BCAT1: variants seen among roughly 807,000 people sequenced by gnomAD.
BCAT1 encodes the protein branched chain amino acid transaminase 1.
Under a neutral mutation model 52.4 loss-of-function variants are expected in BCAT1, and 48 were observed. That is an observed-to-expected ratio of 0.92 (90% CI 0.73 to 1.16). The LOEUF (loss-of-function observed/expected upper bound fraction) is 1.16, where lower values mean the gene tolerates loss of function less well. Ranked by LOEUF, BCAT1 falls within the 50% of genes most tolerant of loss-of-function variation. The probability of loss-of-function intolerance (pLI) is 0.00; values close to 1 mark genes in which losing one functional copy is unlikely to be tolerated. For synonymous variants in BCAT1, 167 were observed against 161.3 expected, an observed-to-expected ratio of 1.04 and a Z score of -0.27; for missense variants, 451 against 457.1, an observed-to-expected ratio of 0.99 and a Z score of 0.12.
chr12:24,887,602 C>G (rs555858127), intron 3 of BCAT1, among the ~76,000 whole-genome samples: 1 of 152,156 alleles, frequency 6.6e-6, no homozygotes, highest in Non-Finnish European at 1.5e-5. Context: ...ATGGGACACG[C>G]GAGGGCTTCT....
chr12:24,915,813 A>C (rs759718754), intron 1 of BCAT1, among the ~76,000 whole-genome samples: 1 of 152,234 alleles, frequency 6.6e-6, no homozygotes, highest in Non-Finnish European at 1.5e-5. Flanking sequence ...ATGGCTCTTA[A>C]GTTGGCTTTG....
chr12:24,890,368 C>T (rs1328135135), intron 3 of BCAT1, among the ~76,000 whole-genome samples: 11 of 152,070 alleles, frequency 7.2e-5, no homozygotes, highest in Non-Finnish European at 1.6e-4. Context: ...AGGCTGAAAC[C>T]TACTGGGCTG....
chr12:24,873,339 T>A (rs947544814), intron 5 of BCAT1, among the ~76,000 whole-genome samples: 1 of 152,230 alleles, frequency 6.6e-6, no homozygotes, highest in African/African-American at 2.4e-5. Flanking sequence ...CATAAATAAA[T>A]ACTTTAGGAG....
intron 1 of BCAT1, chr12:24,903,082 G>T (rs1268319924): frequency 6.5e-6 from 9 of 1,384,732 alleles, no homozygotes; most frequent in Non-Finnish European, 8.4e-6. Context: ...AAGCCCCGGC[G>T]CACGGCCCAT....
At chr12:24,868,575 A>G (rs1393171173) in intron 5 of BCAT1, among the ~76,000 whole-genome samples, 1 of 152,246 alleles carries the variant, frequency 6.6e-6, no homozygotes, top group Non-Finnish European at 1.5e-5. Context: ...GTGATGGGAC[A>G]ACTTGGTCTC....
At chr12:24,839,201 G>A (rs1219396711) in intron 7 of BCAT1, among the ~76,000 whole-genome samples, 1 of 152,202 alleles carries the variant, frequency 6.6e-6, no homozygotes, top group African/African-American at 2.4e-5. Context: ...ATGGGAAATG[G>A]AGTTTATGAT....
At chr12:24,838,473 A>G (rs1043866912) in intron 7 of BCAT1, among the ~76,000 whole-genome samples, 2 of 150,962 alleles carry the variant, frequency 1.3e-5, no homozygotes, top group African/African-American at 4.9e-5. Context: ...AGCCAACTAG[A>G]TACATAAATG....
intron 2 of BCAT1, among the ~76,000 whole-genome samples, chr12:24,898,678 G>A: frequency 6.6e-6 from 1 of 151,784 alleles, no homozygotes; most frequent in East Asian, 1.9e-4. Context: ...ATCGCACCTG[G>A]CTAATTTTTG....
intron 5 of BCAT1, among the ~76,000 whole-genome samples, chr12:24,860,104 G>A (rs1941813632): frequency 6.6e-6 from 1 of 152,132 alleles, no homozygotes. Context: ...AAGACTTTAT[G>A]TTATCCACAG....
intron 1 of BCAT1, among the ~76,000 whole-genome samples, chr12:24,939,142 G>A (rs1184176259): frequency 6.6e-6 from 1 of 152,170 alleles, no homozygotes; most frequent in African/African-American, 2.4e-5. Flanking sequence ...CCAAAGTGCT[G>A]GGATTACAGG....
At chr12:24,857,209 G>T (rs570910029) in intron 5 of BCAT1, among the ~76,000 whole-genome samples, 3 of 152,214 alleles carry the variant, frequency 2.0e-5, no homozygotes, top group South Asian at 4.1e-4. Flanking sequence ...TTCCCCTCAT[G>T]AACAACTTCT....
At chr12:24,895,134 C>T (rs1031866221) in intron 2 of BCAT1, among the ~76,000 whole-genome samples, 1 of 152,294 alleles carries the variant, frequency 6.6e-6, no homozygotes, top group East Asian at 1.9e-4. Context: ...TAGGAAACAA[C>T]TCCCCACAAG....
intron 1 of BCAT1, among the ~76,000 whole-genome samples, chr12:24,925,769 T>C (rs1943568995): frequency 6.6e-6 from 1 of 152,180 alleles, no homozygotes; most frequent in Non-Finnish European, 1.5e-5. Flanking sequence ...TTCGTATTTT[T>C]TTGGTGGAGA....
At chr12:24,899,654 A>G (rs936408352) in intron 2 of BCAT1, among the ~76,000 whole-genome samples, 2 of 152,220 alleles carry the variant, frequency 1.3e-5, no homozygotes, top group African/African-American at 4.8e-5. Context: ...ATGAACAAAT[A>G]AAATGTGGTG....
intron 2 of BCAT1, among the ~76,000 whole-genome samples, chr12:24,897,050 A>G (rs1942976853): frequency 6.6e-6 from 1 of 152,222 alleles, no homozygotes; most frequent in East Asian, 1.9e-4. Flanking sequence ...GTTAGCTTTT[A>G]TCAGTGAATG....
At chr12:24,828,792 G>A (rs1940515534) in intron 10 of BCAT1, among the ~76,000 whole-genome samples, 1 of 152,024 alleles carries the variant, frequency 6.6e-6, no homozygotes, top group Non-Finnish European at 1.5e-5. Context: ...GATCACCTGA[G>A]GTCAAGAGTT....
chr12:24,896,920 T>C (rs1942973395), intron 2 of BCAT1, among the ~76,000 whole-genome samples: 1 of 152,230 alleles, frequency 6.6e-6, no homozygotes, highest in Non-Finnish European at 1.5e-5. Flanking sequence ...TCTGGCTGCT[T>C]TCAGATACAC....
chr12:24,922,292 G>T (rs1943509868), intron 1 of BCAT1, among the ~76,000 whole-genome samples: 1 of 152,138 alleles, frequency 6.6e-6, no homozygotes, highest in African/African-American at 2.4e-5. Flanking sequence ...AGTCCCCCAA[G>T]TAGCTGGGAC....
At chr12:24,844,296 T>A (rs1941265787) in intron 6 of BCAT1, among the ~76,000 whole-genome samples, 1 of 152,084 alleles carries the variant, frequency 6.6e-6, no homozygotes, top group South Asian at 2.1e-4. Context: ...CCGGGAGTGG[T>A]GGCCCATGCC....
Sources: allele counts gnomAD v4.1 joint callset (sites outside exome capture counted in the v4.1 genomes callset), GRCh38; gene constraint gnomAD v4.1.1; transcripts MANE v1.5; gene names NCBI Gene and HGNC (gene_info 2026-07-23, HGNC 2026-07-21).